Variants in TMEM259 observed in about 807,000 individuals in gnomAD.
TMEM259 encodes transmembrane protein 259.
TMEM259 carries 26 observed loss-of-function variants against 46.7 expected under a neutral mutation model. The ratio of observed to expected loss-of-function variants is 0.56; its 90% confidence interval spans 0.41 to 0.77. TMEM259 has a LOEUF of 0.77. Ranked by LOEUF, TMEM259 falls within the 30% of genes least tolerant of loss-of-function variation. The pLI is 0.00. For missense variants in TMEM259, 930 were observed against 900.5 expected (o/e 1.03, Z -0.42); for synonymous variants, 494 against 395.1 (o/e 1.25, Z -2.97).
chr19:1,010,303 A>G lies in TMEM259; in HGVS notation c.*47T>C. On this transcript the variant is annotated 3_prime_UTR_variant, in exon 11 of 11. Transcript: ENST00000356663. ...CTCCCCCACCCCCACGGGCTCGGGA[A>G]GGTCAGGCCCAGCCAGCAGGGGTCA... 1.4e-6 allele frequency: 2 copies of G among 1,404,528 alleles called. No individual in the cohort carries two copies. The highest frequency in any genetic ancestry group is 1.8e-6 in the Non-Finnish European group (2 of 1,083,742). The allele number at this position is 1,404,528 out of a possible 1,614,324, so 87.0% of individuals were successfully genotyped here.
chr19:1,012,823 G>A (rs2038982105), intron 3 of TMEM259, among the ~76,000 whole-genome samples: 1 of 152,206 alleles, frequency 6.6e-6, no homozygotes, highest in Non-Finnish European at 1.5e-5. Context: ...GGGGCTGGCT[G>A]GGTGCAGGGC....
At chr19:1,016,516 G>C (rs1489991218) in intron 1 of TMEM259, among the ~76,000 whole-genome samples, 1 of 152,250 alleles carries the variant, frequency 6.6e-6, no homozygotes, top group East Asian at 1.9e-4. Flanking sequence ...GCTGTGCCCA[G>C]GACAGCAATG....
chr19:1,014,586 G>A, intron 1 of TMEM259, 113 bp from the exon 2 acceptor site: 1 of 1,258,330 alleles, frequency 7.9e-7, no homozygotes, highest in Non-Finnish European at 1.1e-6. Context: ...GACGGGGAAA[G>A]GAAGGAAACC....
rs377385622 is a variant in TMEM259, at chr19:1,013,291, T to C, written c.557A>G (p.Glu186Gly). 1 of 1,613,774 alleles carries C rather than the reference T, an allele frequency of 6.2e-7. No individual in the cohort carries two copies. The highest frequency in any genetic ancestry group is 1.1e-5 in the South Asian group (1 of 91,084). ...PKVFKPPSST[E>G]ALNDSQEFPF... is the part of the protein sequence containing the mutation. ...GAACTCCTGGCTGTCATTCAGGGCC[T>C]CTGTGCTACTCGGCGGCTTGAACAC... is the stretch of plus-strand genomic sequence containing the variant. The change falls in exon 3 of 11, where the codon GAG (glutamate) becomes GGG (glycine). Residue 186 changes from glutamate to glycine, a missense_variant. By Grantham distance (98) the Glu-to-Gly change is moderately conservative. Coordinates refer to ENST00000356663, the MANE Select transcript of TMEM259 (RefSeq NM_001033026.2).
At position 1,010,268 on chromosome 19, in the gene TMEM259, G is replaced by A. The variant is rs558837423; in HGVS notation, c.*82C>T. On this transcript the variant is annotated 3_prime_UTR_variant, in exon 11 of 11. Transcript: ENST00000356663. ...AGGCTGGGCAGTCCCAGAGGAAGGA[G>A]GTGGCTGGCCTCCCCCACCCCCACG... The A allele has an allele frequency of 2.4e-6, 3 of 1,264,308 alleles. No homozygotes were observed. The highest frequency in any genetic ancestry group is 2.9e-5 in the East Asian group (1 of 34,730). 78.3% of individuals were successfully genotyped at this position (1,264,308 alleles called of 1,614,324 possible).
At chr19:1,013,378 GC>G (rs1222010111) in intron 2 of TMEM259, 38 bp from the exon 3 acceptor site, 2 of 1,605,044 alleles carry the variant, frequency 1.2e-6, no homozygotes, top group Non-Finnish European at 1.7e-6. Context: ...AGCAGCGCCA[GC>G]CCGGGCTGTG....
In TMEM259 at chr19:1,010,710, G is replaced by T; in HGVS notation, c.1503C>A (p.Ala501=). 6.5e-7 allele frequency: 1 copy of T among 1,529,242 alleles called. No individual in the cohort carries two copies. The highest frequency in any genetic ancestry group is 8.7e-7 in the Non-Finnish European group (1 of 1,144,124). 94.7% of individuals were successfully genotyped at this position (1,529,242 alleles called of 1,614,324 possible). ...TAPDSAGQPP[A]LGPVSPGASG... is the part of the protein sequence containing the mutation. ...TGGCCCCAGGCGAGACGGGGCCCAGGGCGGGGGGCTGGCCGGCAGAGTCAG... is the reference window on the plus strand; with the variant it reads ...TGGCCCCAGGCGAGACGGGGCCCAGTGCGGGGGGCTGGCCGGCAGAGTCAG... Residue 501 remains alanine (A), a synonymous_variant, in exon 11 of 11, where the codon GCC becomes GCA. Transcript: ENST00000356663.
intron 3 of TMEM259, 125 bp from the exon 4 acceptor site, chr19:1,012,698 G>T: frequency 7.6e-7 from 1 of 1,308,342 alleles, no homozygotes; most frequent in South Asian, 1.4e-5. Context: ...CCAGGTGGGT[G>T]CTGGGAGGAC....
rs780229583 is a variant in TMEM259 at position 1,014,342 on chromosome 19, C to T, written c.357G>A (p.Ser119=). 7 of 1,612,880 alleles carry T rather than the reference C, an allele frequency of 4.3e-6. No homozygotes were observed. The highest frequency in any genetic ancestry group is 4.0e-5 in the African/African-American group (3 of 74,950). Residue 119 remains serine (S), a synonymous_variant, in exon 2 of 11, where the codon TCG becomes TCA. Transcript: ENST00000356663. ...ACTGTAGGAAGACGGGCGCGCGGCT[C>T]GAGTTGTGCCGCACTTCCACACGCA... ...GILRVEVRHN[S]SRAPVFLQFC...
intron 1 of TMEM259, among the ~76,000 whole-genome samples, chr19:1,018,447 G>A (rs2039180155): frequency 6.6e-6 from 1 of 152,204 alleles, no homozygotes; most frequent in African/African-American, 2.4e-5. Flanking sequence ...AGGGCTGGGA[G>A]CTCAGCTGCA....
rs1420898998 is a variant in TMEM259 at position 1,011,461 on chromosome 19, T to C, written c.1123A>G (p.Thr375Ala). The change falls in exon 9 of 11, where the codon ACC (threonine) becomes GCC (alanine). Residue 375 changes from threonine (T) to alanine (A), a missense_variant. Transcript: ENST00000356663. The stretch of plus-strand genomic sequence containing the variant: ...ATGAGGATGATGTAGAAGGCGGTGG[T>C]GGTGTCGTTGAAGAACTCCGACATG... ...AIMSEFFNDT[T>A]TAFYIILIVW... 1 of 1,553,100 alleles carries C rather than the reference T, an allele frequency of 6.4e-7. No homozygotes were observed. The highest frequency in any genetic ancestry group is 1.2e-5 in the South Asian group (1 of 84,626).
At position 1,012,009 on chromosome 19, in the gene TMEM259, C is replaced by T. The variant is rs375642389; in HGVS notation, c.842-17G>A. On this transcript the variant is annotated splice_polypyrimidine_tract_variant and intron_variant, in intron 5 of 10. Transcript: ENST00000356663. ...GCAGGAAGCCTGCAGCAGAAGGAGC[C>T]GTGAGCGCCCGCCCCCACCCGCGCC... 155 of 1,611,394 alleles carry T rather than the reference C, an allele frequency of 9.6e-5. No individual in the cohort carries two copies. Among genetic ancestry groups the T allele is most frequent in the Non-Finnish European group, 1.1e-4 (127 of 1,179,302 alleles).
chr19:1,019,991 G>A (rs1046166874), intron 1 of TMEM259, among the ~76,000 whole-genome samples: 1 of 152,152 alleles, frequency 6.6e-6, no homozygotes, highest in Non-Finnish European at 1.5e-5. Flanking sequence ...TCTGAGGAGG[G>A]CGGGAGGGGG....
rs903376334 is a variant in TMEM259, at chr19:1,010,190, G to T, written c.*160C>A. ...CTCGGGCGCGACCTCACACCAGGGG[G>T]AGGAAAGCCGCCTTCCGGGCAAACC... is the stretch of plus-strand genomic sequence containing the variant. On this transcript the variant is annotated 3_prime_UTR_variant, in exon 11 of 11. Coordinates refer to ENST00000356663, the MANE Select transcript of TMEM259 (RefSeq NM_001033026.2). The T allele has an allele frequency of 4.5e-6, 3 of 659,508 alleles. No homozygotes were observed. The highest frequency in any genetic ancestry group is 7.2e-6 in the Non-Finnish European group (3 of 419,560). The allele number at this position is 659,508 out of a possible 1,614,324, so 40.9% of individuals were successfully genotyped here. A position where few individuals can be genotyped will look rare whatever the true frequency, so the allele number is the denominator to read the frequency against.
At chr19:1,016,962 G>C (rs1231640747) in intron 1 of TMEM259, among the ~76,000 whole-genome samples, 3 of 152,178 alleles carry the variant, frequency 2.0e-5, no homozygotes, top group Non-Finnish European at 4.4e-5. Flanking sequence ...AGACGTCACT[G>C]TGTCTCTGCC....
intron 1 of TMEM259, 127 bp from the exon 2 acceptor site, chr19:1,014,600 G>C: frequency 8.8e-7 from 1 of 1,139,630 alleles, no homozygotes; most frequent in Non-Finnish European, 1.2e-6. Flanking sequence ...GGAAACCCCA[G>C]AAGCCGAATT....
chr19:1,017,637 G>A (rs1322284262), intron 1 of TMEM259, among the ~76,000 whole-genome samples: 1 of 152,144 alleles, frequency 6.6e-6, no homozygotes, highest in Admixed American at 6.5e-5. Flanking sequence ...GAAGCTTCCT[G>A]GATGTTCTGG....
intron 1 of TMEM259, among the ~76,000 whole-genome samples, chr19:1,016,870 C>T (rs565074317): frequency 2.0e-5 from 3 of 152,270 alleles, no homozygotes; most frequent in African/African-American, 7.2e-5. Flanking sequence ...AGACAGCGGA[C>T]GTGATGAGAG....
chr19:1,016,362 T>C (rs1394224359), intron 1 of TMEM259, among the ~76,000 whole-genome samples: 2 of 152,190 alleles, frequency 1.3e-5, no homozygotes, highest in Non-Finnish European at 2.9e-5. Flanking sequence ...CCACGGAGGC[T>C]GGGCCCAGTG....
Sources: allele counts gnomAD v4.1 joint callset (sites outside exome capture counted in the v4.1 genomes callset), GRCh38; gene constraint gnomAD v4.1.1; transcripts MANE v1.5; gene names NCBI Gene and HGNC (gene_info 2026-07-23, HGNC 2026-07-21).